Variants in NDST3 observed in about 807,000 individuals in gnomAD.
NDST3 encodes N-deacetylase and N-sulfotransferase 3.
NDST3 carries 58 observed loss-of-function variants against 96.1 expected under a neutral mutation model. The observed-to-expected ratio is 0.60, with a 90% CI of 0.49 to 0.75. NDST3 has a LOEUF of 0.75. Among genes scored for constraint, NDST3 ranks in the 30% least tolerant of loss-of-function variants. NDST3 has a pLI of 0.00. For missense variants in NDST3, 788 were observed against 1,034.2 expected, an observed-to-expected ratio of 0.76 and a Z score of 3.27; for synonymous variants, 333 against 359.7, an observed-to-expected ratio of 0.93 and a Z score of 0.84.
chr4:118,248,025 C>T (rs908058418), intron 12 of NDST3, among the ~76,000 whole-genome samples: 2 of 152,040 alleles, frequency 1.3e-5, no homozygotes, highest in African/African-American at 2.4e-5. Context: ...TTAACCCGCA[C>T]GAGGGTAGAA....
intron 2 of NDST3, among the ~76,000 whole-genome samples, chr4:118,093,205 ATT>A (rs1729020811): frequency 6.6e-6 from 1 of 151,820 alleles, no homozygotes; most frequent in African/African-American, 2.4e-5. Context: ...CAGAAAATTT[ATT>A]TTAGATTATA....
chr4:118,236,385 G>A (rs1174800554), intron 9 of NDST3, among the ~76,000 whole-genome samples: 1 of 152,084 alleles, frequency 6.6e-6, no homozygotes, highest in Non-Finnish European at 1.5e-5. Context: ...CTACCCATGA[G>A]GATATAGAAC....
chr4:118,179,702 A>G (rs1383544607), intron 6 of NDST3, among the ~76,000 whole-genome samples: 1 of 152,078 alleles, frequency 6.6e-6, no homozygotes, highest in Non-Finnish European at 1.5e-5. Flanking sequence ...GCCCATCCCT[A>G]TAAGCCAATC....
chr4:118,197,733 T>C (rs942574639), intron 6 of NDST3, among the ~76,000 whole-genome samples: 10 of 151,482 alleles, frequency 6.6e-5, no homozygotes, highest in African/African-American at 2.2e-4. Context: ...CAACAGATCA[T>C]TGGGTCTCAG....
At chr4:118,182,591 C>T (rs1163461716) in intron 6 of NDST3, among the ~76,000 whole-genome samples, 1 of 152,134 alleles carries the variant, frequency 6.6e-6, no homozygotes, top group African/African-American at 2.4e-5. Context: ...GACAAACTCC[C>T]CTGAGAATTG....
chr4:118,129,820 C>G (rs1300690769), intron 4 of NDST3, among the ~76,000 whole-genome samples: 1 of 151,986 alleles, frequency 6.6e-6, no homozygotes, highest in African/African-American at 2.4e-5. Flanking sequence ...TGGGGTCTAT[C>G]TCTCTCTTTA....
chr4:118,241,429 T>C (rs1740999172), intron 11 of NDST3, among the ~76,000 whole-genome samples: 1 of 152,222 alleles, frequency 6.6e-6, no homozygotes, highest in African/African-American at 2.4e-5. Context: ...AGACAAGACC[T>C]GCTTTGCAGG....
intron 2 of NDST3, among the ~76,000 whole-genome samples, chr4:118,087,486 T>A (rs1728522950): frequency 6.6e-6 from 1 of 152,036 alleles, no homozygotes; most frequent in African/African-American, 2.4e-5. Context: ...TGAAAGGAAG[T>A]CCCATTGTGT....
intron 10 of NDST3, among the ~76,000 whole-genome samples, chr4:118,238,142 A>AGT (rs1740761143): frequency 6.8e-6 from 1 of 146,326 alleles, no homozygotes; most frequent in South Asian, 2.2e-4. Context: ...AGAGAGAGAG[A>AGT]GAGAAAAGAA....
intron 4 of NDST3, 25 bp from the exon 5 acceptor site, chr4:118,138,029 C>A: frequency 1.3e-6 from 2 of 1,554,704 alleles, no homozygotes; most frequent in South Asian, 1.2e-5. Context: ...TTTACACGCT[C>A]CAATTAACAT....
chr4:118,121,987 A>G (rs981919851), intron 4 of NDST3, among the ~76,000 whole-genome samples: 2 of 152,334 alleles, frequency 1.3e-5, no homozygotes, highest in Non-Finnish European at 2.9e-5. Context: ...CTCTAACAAG[A>G]TAGACATTGT....
At chr4:118,241,434 T>C (rs1013552653) in intron 11 of NDST3, among the ~76,000 whole-genome samples, 1 of 152,204 alleles carries the variant, frequency 6.6e-6, no homozygotes, top group Admixed American at 6.5e-5. Flanking sequence ...AGACCTGCTT[T>C]GCAGGCTTTG....
intron 4 of NDST3, among the ~76,000 whole-genome samples, chr4:118,129,779 G>A (rs1478025511): frequency 6.6e-6 from 1 of 152,008 alleles, no homozygotes; most frequent in Non-Finnish European, 1.5e-5. Flanking sequence ...TGCTGAAAGT[G>A]GAGTGTTGAA....
At chr4:118,174,020 C>G (rs550477579) in intron 6 of NDST3, among the ~76,000 whole-genome samples, 18 of 152,310 alleles carry the variant, frequency 1.2e-4, no homozygotes, top group Non-Finnish European at 2.1e-4. Context: ...ACTAGAACAA[C>G]TTAAAACTGG....
chr4:118,253,179 A>G (rs1345920037), intron 12 of NDST3, among the ~76,000 whole-genome samples: 1 of 152,180 alleles, frequency 6.6e-6, no homozygotes, highest in African/African-American at 2.4e-5. Flanking sequence ...AAAAATTTGA[A>G]TATTTATGCA....
chr4:118,116,308 T>C (rs1039522383), intron 4 of NDST3, among the ~76,000 whole-genome samples: 1 of 152,154 alleles, frequency 6.6e-6, no homozygotes, highest in African/African-American at 2.4e-5. Context: ...CGAAAATACG[T>C]AAATACACTA....
intron 6 of NDST3, among the ~76,000 whole-genome samples, chr4:118,172,751 T>C (rs961545985): frequency 1.1e-4 from 17 of 152,106 alleles, no homozygotes; most frequent in African/African-American, 3.9e-4. Flanking sequence ...AAAGAATGAT[T>C]ATTCCTATCT....
At chr4:118,183,704 G>A (rs982224355) in intron 6 of NDST3, among the ~76,000 whole-genome samples, 2 of 152,154 alleles carry the variant, frequency 1.3e-5, no homozygotes, top group African/African-American at 4.8e-5. Context: ...AGTGGTTCAG[G>A]ATCTCACTCT....
Position 118,190,051 on chromosome 4 carries a change from T to G in NDST3, c.1540-34440T>G, listed in dbSNP as rs79141940. ...AAAAAAATTTTAAATACACATTTTATGTCTTTATTAGTTTCCTCATCAAAA... is the reference window on the plus strand; with the variant it reads ...AAAAAAATTTTAAATACACATTTTAGGTCTTTATTAGTTTCCTCATCAAAA... On this transcript the variant is annotated intron_variant, in intron 6 of 13. Transcript: ENST00000296499. Among the ~76,000 whole-genome samples, 267 of 152,152 alleles carry G rather than the reference T, an allele frequency of 1.8e-3. 2 individuals carry two copies. The highest frequency in any genetic ancestry group is 2.9e-3 in the Non-Finnish European group (200 of 67,962).
Sources: allele counts gnomAD v4.1 joint callset (sites outside exome capture counted in the v4.1 genomes callset), GRCh38; gene constraint gnomAD v4.1.1; transcripts MANE v1.5; gene names NCBI Gene and HGNC (gene_info 2026-07-23, HGNC 2026-07-21).